The following TUBD1 variants were observed in gnomAD, a reference collection of about 807,000 sequenced individuals.
TUBD1 encodes tubulin delta chain.
In TUBD1, 38 loss-of-function variants were observed where a neutral mutation model predicts 51.2. The observed-to-expected ratio is 0.74, with a 90% CI of 0.57 to 0.97. TUBD1 has a LOEUF of 0.97. Ranked by LOEUF, TUBD1 falls within the 50% of genes least tolerant of loss-of-function variation. The pLI is 0.00. For missense variants in TUBD1, 489 were observed against 538.4 expected (o/e 0.91, Z 0.91); for synonymous variants, 169 against 178.2 (o/e 0.95, Z 0.41).
At chr17:59,881,949 G>A (rs746979618) in intron 3 of TUBD1, among the ~76,000 whole-genome samples, 4 of 152,154 alleles carry the variant, frequency 2.6e-5, no homozygotes, top group Non-Finnish European at 1.5e-5. Context: ...GATTAGAGGT[G>A]TGAGCCACTG....
At chr17:59,886,459 C>T (rs1350619921) in intron 2 of TUBD1, 6 of 441,222 alleles carry the variant, frequency 1.4e-5, no homozygotes, top group Non-Finnish European at 2.0e-5. Flanking sequence ...TCAGTGTGGG[C>T]CTAAAAGAGT....
intron 2 of TUBD1, among the ~76,000 whole-genome samples, chr17:59,886,867 A>T (rs1015586068): frequency 6.6e-6 from 1 of 151,386 alleles, no homozygotes; most frequent in Non-Finnish European, 1.5e-5. Context: ...CCTGGCCAAC[A>T]TGGTGAAATC....
rs541082780 is a variant in TUBD1 at position 59,859,686 on chromosome 17, G to C, written c.*636C>G. The stretch of plus-strand genomic sequence containing the variant: ...GTACAGAATTACAATTCCTTAGCTT[G>C]AAATTATGCTGTGAAAGTTTGGTTC... On this transcript the variant is annotated 3_prime_UTR_variant, in exon 9 of 9. Coordinates refer to ENST00000325752, the MANE Select transcript of TUBD1 (RefSeq NM_016261.4). 6.5e-6 allele frequency: 1 copy of C among 152,690 alleles called. No individual in the cohort carries two copies. The highest frequency in any genetic ancestry group is 2.1e-4 in the South Asian group (1 of 4,826). The allele number at this position is 152,690 out of a possible 1,614,324, so 9.5% of individuals were successfully genotyped here.
At chr17:59,885,507 C>A in intron 3 of TUBD1, 1 of 1,581,096 alleles carries the variant, frequency 6.3e-7, no homozygotes, top group Non-Finnish European at 8.7e-7. Context: ...TGGAACGAGG[C>A]GGTGATCCCT....
chr17:59,888,035 C>T (rs529575127), intron 2 of TUBD1, among the ~76,000 whole-genome samples: 3 of 151,892 alleles, frequency 2.0e-5, no homozygotes, highest in South Asian at 2.1e-4. Context: ...CCTGGGTTCA[C>T]GCCATTCTCC....
intron 4 of TUBD1, 96 bp downstream of exon 4, chr17:59,880,798 G>A: frequency 8.3e-7 from 1 of 1,200,568 alleles, no homozygotes. Flanking sequence ...ACAGGCATAA[G>A]CCACCGCACC....
At chr17:59,879,537 G>T (rs1469830936) in intron 4 of TUBD1, among the ~76,000 whole-genome samples, 1 of 152,026 alleles carries the variant, frequency 6.6e-6, no homozygotes, top group African/African-American at 2.4e-5. Context: ...ACAGGTTCAA[G>T]TGATTCTCCT....
intron 7 of TUBD1, 110 bp downstream of exon 7, chr17:59,866,499 G>A: frequency 7.0e-7 from 1 of 1,422,702 alleles, no homozygotes; most frequent in Non-Finnish European, 9.5e-7. Flanking sequence ...AAAACACACA[G>A]TTATTACTTT....
At position 59,866,691 on chromosome 17, in the gene TUBD1, A is replaced by C. The variant is rs747644681; in HGVS notation, c.993T>G (p.Ser331=). 3 of 1,613,992 alleles carry C rather than the reference A, an allele frequency of 1.9e-6. No homozygotes were observed. The East Asian group carries it at 6.7e-5, about 36-fold the overall frequency. The part of the protein sequence containing the change: ...LSGLPPLSKM[S]LNKDLHFNTS... Reference sequence around the variant, plus strand: ...TGTTAAAATGCAGGTCCTTGTTGAGAGACATTTTACTAAGAGGAGGAAGTC... The same window carrying C: ...TGTTAAAATGCAGGTCCTTGTTGAGCGACATTTTACTAAGAGGAGGAAGTC... The change falls in exon 7 of 9, where the codon TCT becomes TCG. Residue 331 remains serine, a synonymous_variant. Transcript: ENST00000325752.
intron 4 of TUBD1, among the ~76,000 whole-genome samples, chr17:59,879,621 A>G (rs2040391233): frequency 6.6e-6 from 1 of 151,876 alleles, no homozygotes; most frequent in African/African-American, 2.4e-5. Context: ...TTTTTAGTAG[A>G]GAAGGGGTTT....
chr17:59,881,377 C>T (rs77275058), intron 3 of TUBD1, among the ~76,000 whole-genome samples: 3,810 of 152,214 alleles, frequency 0.025, 94 homozygotes, highest in Non-Finnish European at 0.041. Context: ...TTGCTAAGGT[C>T]GGATTTTTCA....
intron 7 of TUBD1, among the ~76,000 whole-genome samples, chr17:59,864,642 C>T (rs1227212626): frequency 6.6e-6 from 1 of 151,990 alleles, no homozygotes; most frequent in Admixed American, 6.6e-5. Flanking sequence ...GCTGGGACTA[C>T]AGGCACACGC....
chr17:59,862,020 C>T (rs2039474001), intron 8 of TUBD1, among the ~76,000 whole-genome samples: 1 of 150,908 alleles, frequency 6.6e-6, no homozygotes. Context: ...CTGGGGTATC[C>T]GAGCTAATGA....
At chr17:59,879,287 G>C (rs887783049) in intron 4 of TUBD1, among the ~76,000 whole-genome samples, 4 of 147,430 alleles carry the variant, frequency 2.7e-5, no homozygotes, top group South Asian at 2.1e-4. Context: ...AAAAAAAAAG[G>C]AAAGAAATTT....
At chr17:59,864,713 G>T (rs2039621001) in intron 7 of TUBD1, among the ~76,000 whole-genome samples, 1 of 152,028 alleles carries the variant, frequency 6.6e-6, no homozygotes, top group South Asian at 2.1e-4. Context: ...GCCCGAGCTG[G>T]TCTCAAATTT....
At chr17:59,874,137 T>G (rs1217250567) in intron 6 of TUBD1, among the ~76,000 whole-genome samples, 1 of 128,686 alleles carries the variant, frequency 7.8e-6, no homozygotes, top group Non-Finnish European at 1.6e-5. Context: ...TGCAGTGAGC[T>G]GAGATCACGC....
At chr17:59,882,827 C>T (rs1037015934) in intron 3 of TUBD1, among the ~76,000 whole-genome samples, 1 of 151,944 alleles carries the variant, frequency 6.6e-6, no homozygotes, top group African/African-American at 2.4e-5. Context: ...CCCTGTTGTC[C>T]AGGCTGGAGT....
intron 2 of TUBD1, among the ~76,000 whole-genome samples, chr17:59,888,723 T>C (rs2144579513): frequency 6.7e-6 from 1 of 148,482 alleles, no homozygotes; most frequent in East Asian, 2.0e-4. Context: ...GAGTTGTTTT[T>C]TGTCTTTTTT....
In TUBD1 at chr17:59,891,040, A is replaced by G; in HGVS notation, c.-38T>C. 1 of 1,543,650 alleles carries G rather than the reference A, an allele frequency of 6.5e-7. No homozygotes were observed. The highest frequency in any genetic ancestry group is 8.8e-7 in the Non-Finnish European group (1 of 1,140,120). On this transcript the variant is annotated splice_region_variant and 5_prime_UTR_variant, in exon 2 of 9. Coordinates refer to ENST00000325752, the MANE Select transcript of TUBD1 (RefSeq NM_016261.4). ...ACTAGGTGTATTACCTCTAAAAACA[A>G]CCTGTAATCGAAAAAAATACGCTTT...
Sources: gnomAD v4.1 joint callset for allele counts (sites outside exome capture counted in the v4.1 genomes callset) on GRCh38, gnomAD v4.1.1 for gene constraint, MANE v1.5 for transcripts, NCBI Gene and HGNC (gene_info 2026-07-23, HGNC 2026-07-21) for gene names.